The following ZNF736 variants were observed in gnomAD, a reference collection of about 807,000 sequenced individuals.
ZNF736 encodes the protein zinc finger protein 736.
A neutral mutation model predicts 11.7 loss-of-function variants in ZNF736; 6 were observed. The observed-to-expected ratio is 0.51, with a 90% CI of 0.28 to 1.01. ZNF736 has a LOEUF of 1.01. ZNF736 is among the 50% of genes least tolerant of loss of function. The probability of loss-of-function intolerance (pLI) is 0.09; values close to 1 mark genes in which losing one functional copy is unlikely to be tolerated. For synonymous variants in ZNF736, 139 were observed against 164.7 expected (o/e 0.84, Z 1.19); for missense variants, 444 against 496.0 (o/e 0.90, Z 1.00).
chr7:64,335,667 C>G (rs1242723628), intron 1 of ZNF736, among the ~76,000 whole-genome samples: 2 of 152,198 alleles, frequency 1.3e-5, no homozygotes, highest in African/African-American at 4.8e-5. Context: ...CCTACCTTCT[C>G]TTTGCATATC....
intron 1 of ZNF736, among the ~76,000 whole-genome samples, chr7:64,317,930 T>A (rs1788939805): frequency 6.6e-6 from 1 of 152,100 alleles, no homozygotes; most frequent in African/African-American, 2.4e-5. Flanking sequence ...TAAAATATTT[T>A]TTTTTCATCA....
At chr7:64,337,913 C>G (rs561981047) in intron 3 of ZNF736, among the ~76,000 whole-genome samples, 1 of 151,904 alleles carries the variant, frequency 6.6e-6, no homozygotes, top group African/African-American at 2.4e-5. Flanking sequence ...TGCCACCACA[C>G]CCGGCTAATT....
At chr7:64,319,229 A>G (rs982772164) in intron 1 of ZNF736, among the ~76,000 whole-genome samples, 1 of 150,782 alleles carries the variant, frequency 6.6e-6, no homozygotes, top group African/African-American at 2.4e-5. Context: ...TGGGAAAACC[A>G]TAGGCCTCAA....
intron 3 of ZNF736, among the ~76,000 whole-genome samples, chr7:64,346,993 G>A (rs527340874): frequency 6.0e-5 from 9 of 150,382 alleles, no homozygotes; most frequent in African/African-American, 1.9e-4. Context: ...TTGATTTCTG[G>A]ATATTCTTTT....
At chr7:64,341,502 A>AT (rs1789337264) in intron 3 of ZNF736, among the ~76,000 whole-genome samples, 3 of 151,936 alleles carry the variant, frequency 2.0e-5, no homozygotes, top group South Asian at 4.1e-4. Context: ...AGTTAAAGAG[A>AT]TTTTTTCCTC....
rs993915526 is a variant in ZNF736 at position 64,353,765 on chromosome 7, A to G, written c.*4618A>G. The G allele has an allele frequency of 4.6e-5, 7 of 152,232 alleles. No individual in the cohort carries two copies. Among genetic ancestry groups the G allele is most frequent in the Admixed American group, 4.6e-4 (7 of 15,280 alleles). The allele number at this position is 152,232 out of a possible 1,614,324, so 9.4% of individuals were successfully genotyped here. ...GAGTGTGGTAAGTGATCAGGATAAT[A>G]ATCTGCTTAGTAAGAGAAACAATTT... On this transcript the variant is annotated 3_prime_UTR_variant, in exon 4 of 4. Coordinates refer to ENST00000423484, the MANE Select transcript of ZNF736 (RefSeq NM_001170905.3).
Position 64,348,203 on chromosome 7 carries a change from A to C in ZNF736, c.340A>C (p.Lys114Gln). ...GSCDLNNLHL[K>Q]KDYQSVGNCK... ...CTGTGACCTTAATAATTTACATTTA[A>C]AGAAAGACTACCAAAGTGTGGGTAA... Residue 114 changes from lysine to glutamine, a missense_variant, in exon 4 of 4, where the codon AAG becomes CAG. Transcript: ENST00000423484. The C allele has an allele frequency of 6.4e-7, 1 of 1,551,678 alleles. No homozygotes were observed. Among genetic ancestry groups the C allele is most frequent in the East Asian group, 2.4e-5 (1 of 40,906 alleles).
chr7:64,356,303 T>C lies in ZNF736; in HGVS notation c.*7156T>C, dbSNP rs1388681925. 2 of 152,190 alleles carry C rather than the reference T, an allele frequency of 1.3e-5. No individual in the cohort carries two copies. The highest frequency in any genetic ancestry group is 4.8e-5 in the African/African-American group (2 of 41,434). The allele number at this position is 152,190 out of a possible 1,614,324, so 9.4% of individuals were successfully genotyped here. A position where few individuals can be genotyped will look rare whatever the true frequency, so the allele number is the denominator to read the frequency against. On this transcript the variant is annotated 3_prime_UTR_variant, in exon 4 of 4. Coordinates refer to ENST00000423484, the MANE Select transcript of ZNF736 (RefSeq NM_001170905.3). ...TAAGTTTTACTACTGAAGGCCAGAA[T>C]AGATTTTTTTCTCTTAAATTTTTGG...
chr7:64,347,044 G>A (rs1023650131), intron 3 of ZNF736, among the ~76,000 whole-genome samples: 3 of 150,098 alleles, frequency 2.0e-5, no homozygotes, highest in Admixed American at 6.7e-5. Context: ...TGTTTATGTT[G>A]TAATGTTGCA....
At chr7:64,331,210 G>A (rs1789160967) in intron 1 of ZNF736, among the ~76,000 whole-genome samples, 1 of 152,172 alleles carries the variant, frequency 6.6e-6, no homozygotes, top group South Asian at 2.1e-4. Flanking sequence ...TGGTGGTGGG[G>A]CTACCTGAAA....
chr7:64,331,579 T>C (rs930035987), intron 1 of ZNF736, among the ~76,000 whole-genome samples: 1 of 152,190 alleles, frequency 6.6e-6, no homozygotes, highest in African/African-American at 2.4e-5. Context: ...GTCATTCTAT[T>C]TGGTGTTTTA....
Position 64,355,916 on chromosome 7 carries a change from G to A in ZNF736, c.*6769G>A. ...GTCAAGATTGTCTTCTTAGGACCTG[G>A]CAGGATCAGCCTTCAGTTCTGGGTT... is the stretch of plus-strand genomic sequence containing the variant. On this transcript the variant is annotated 3_prime_UTR_variant, in exon 4 of 4. Coordinates refer to ENST00000423484, the MANE Select transcript of ZNF736 (RefSeq NM_001170905.3). 5.2e-6 allele frequency: 1 copy of A among 193,686 alleles called. No homozygotes were observed. The highest frequency in any genetic ancestry group is 4.7e-5 in the Admixed American group (1 of 21,232). 12.0% of individuals were successfully genotyped at this position (193,686 alleles called of 1,614,324 possible).
chr7:64,346,838 T>C (rs1343232175), intron 3 of ZNF736, among the ~76,000 whole-genome samples: 1 of 152,052 alleles, frequency 6.6e-6, no homozygotes. Context: ...TTCATTTTGT[T>C]TTTTTAATTT....
chr7:64,333,095 C>G (rs1789193941), intron 1 of ZNF736, among the ~76,000 whole-genome samples: 1 of 152,156 alleles, frequency 6.6e-6, no homozygotes. Flanking sequence ...TAAGAAATTA[C>G]AAAAGTATTA....
chr7:64,346,487 T>C (rs78956877), intron 3 of ZNF736, among the ~76,000 whole-genome samples: 2 of 141,850 alleles, frequency 1.4e-5, no homozygotes, highest in South Asian at 2.2e-4. Context: ...TTTTTTTTTT[T>C]CCAGTGCTTT....
At chr7:64,345,475 C>T (rs533539661) in intron 3 of ZNF736, among the ~76,000 whole-genome samples, 75 of 151,640 alleles carry the variant, frequency 4.9e-4, no homozygotes, top group African/African-American at 1.6e-3. Context: ...TCATGCCTGT[C>T]ATCCCAGCAC....
Position 64,316,639 on chromosome 7 carries a change from T to TA in ZNF736, c.3+2487dup, listed in dbSNP as rs535788957. Reference sequence around the variant, plus strand: ...AAAACATTTGTGTTCCAGTCAGCACTACTTCTCCCTGTGTTTGTCACCTTC... The same window carrying TA: ...AAAACATTTGTGTTCCAGTCAGCACTAACTTCTCCCTGTGTTTGTCACCTTC... On this transcript the variant is annotated intron_variant, in intron 1 of 3. Coordinates refer to ENST00000423484, the MANE Select transcript of ZNF736 (RefSeq NM_001170905.3). Among the ~76,000 whole-genome samples, 41 of 152,346 alleles carry TA rather than the reference T, an allele frequency of 2.7e-4. No individual in the cohort carries two copies. The South Asian group carries it at 7.7e-3, about 28-fold the overall frequency.
intron 1 of ZNF736, among the ~76,000 whole-genome samples, chr7:64,329,577 T>C (rs1789130755): frequency 6.6e-6 from 1 of 152,180 alleles, no homozygotes; most frequent in Non-Finnish European, 1.5e-5. Context: ...AGGCAGACTC[T>C]TTTTCTATTT....
rs1789497908 is a variant in ZNF736, at chr7:64,352,232, T to C, written c.*3085T>C. ...CTAGTCACCTCAGATTTTCCAGTAC[T>C]GGAAGTTATCACCACTGAATGCTGC... On this transcript the variant is annotated 3_prime_UTR_variant, in exon 4 of 4. Coordinates refer to ENST00000423484, the MANE Select transcript of ZNF736 (RefSeq NM_001170905.3). 1 of 152,286 alleles carries C rather than the reference T, an allele frequency of 6.6e-6. No homozygotes were observed. The highest frequency in any genetic ancestry group is 1.5e-5 in the Non-Finnish European group (1 of 68,118). 9.4% of individuals were successfully genotyped at this position (152,286 alleles called of 1,614,324 possible).
Sources: gnomAD v4.1 joint callset for allele counts (sites outside exome capture counted in the v4.1 genomes callset) on GRCh38, gnomAD v4.1.1 for gene constraint, MANE v1.5 for transcripts, NCBI Gene and HGNC (gene_info 2026-07-23, HGNC 2026-07-21) for gene names.